MMP26: variants seen among roughly 807,000 people sequenced by gnomAD.
MMP26 encodes matrix metallopeptidase 26, also known as matrix metalloproteinase-26.
Under a neutral mutation model 31.0 loss-of-function variants are expected in MMP26, and 33 were observed. That is an observed-to-expected ratio of 1.06 (90% CI 0.81 to 1.42). The LOEUF (loss-of-function observed/expected upper bound fraction) is 1.42. MMP26 is among the 40% of genes most tolerant of loss of function. MMP26 has a pLI of 0.00. For synonymous variants in MMP26, 122 were observed against 114.9 expected (o/e 1.06, Z -0.40); for missense variants, 347 against 316.1 (o/e 1.10, Z -0.74).
intron 2 of MMP26, chr11:4,769,268 A>G: frequency 6.2e-7 from 1 of 1,613,784 alleles, no homozygotes; most frequent in Non-Finnish European, 8.5e-7. Context: ...ATATGACAGG[A>G]CAATGCATGG....
At chr11:4,894,957 T>C (rs1369824276) in intron 2 of MMP26, among the ~76,000 whole-genome samples, 1 of 152,100 alleles carries the variant, frequency 6.6e-6, no homozygotes, top group Non-Finnish European at 1.5e-5. Flanking sequence ...GAACAGGAAA[T>C]AGTAAAATAG....
chr11:4,735,338 A>G (rs1848225825), intron 1 of MMP26, among the ~76,000 whole-genome samples: 2 of 152,192 alleles, frequency 1.3e-5, no homozygotes, highest in Non-Finnish European at 1.5e-5. Flanking sequence ...GTATATATCT[A>G]TATGGTTGTA....
At chr11:4,952,096 G>A (rs1307464917) in intron 2 of MMP26, among the ~76,000 whole-genome samples, 4 of 124,242 alleles carry the variant, frequency 3.2e-5, no homozygotes, top group Admixed American at 9.0e-5. Flanking sequence ...GCTGTTGTTT[G>A]CCATGTTCTT....
chr11:4,873,041 T>G (rs1032468187), intron 2 of MMP26, among the ~76,000 whole-genome samples: 11 of 152,052 alleles, frequency 7.2e-5, no homozygotes, highest in Non-Finnish European at 1.5e-5. Flanking sequence ...TAAAAATGCT[T>G]CTTTTTGTCC....
chr11:4,818,573 C>T (rs1849452007), intron 2 of MMP26, among the ~76,000 whole-genome samples: 1 of 151,942 alleles, frequency 6.6e-6, no homozygotes, highest in East Asian at 1.9e-4. Context: ...TTGTTAATTG[C>T]TTCTTTCGAT....
chr11:4,890,149 G>A (rs1410151167), intron 2 of MMP26: 1 of 152,140 alleles, frequency 6.6e-6, no homozygotes. Context: ...CCCCATTTTG[G>A]CAACTCTGGC....
At position 4,842,506 on chromosome 11, in the gene MMP26, C is replaced by T. The variant is rs79235868; in HGVS notation, c.-145+75165C>T. Among the ~76,000 whole-genome samples the T allele has an allele frequency of 8.1e-3, 1,233 of 152,204 alleles. 16 individuals carry two copies. The highest frequency in any genetic ancestry group is 0.027 in the African/African-American group (1,141 of 41,496). On this transcript the variant is annotated intron_variant, in intron 2 of 7. Coordinates refer to ENST00000380390, the MANE Select transcript of MMP26 (RefSeq NM_021801.5). ...TCTTCACATGGTGACGGGAGAGAGA[C>T]AGAGTGAAGAGGGAAGTGCCACACA...
At chr11:4,848,131 G>T in intron 2 of MMP26, 1 of 1,192,400 alleles carries the variant, frequency 8.4e-7, no homozygotes, top group Non-Finnish European at 1.2e-6. Context: ...GCACATATAT[G>T]CACTTATGTG....
chr11:4,800,022 G>T (rs1231907885), intron 2 of MMP26, among the ~76,000 whole-genome samples: 1 of 152,170 alleles, frequency 6.6e-6, no homozygotes, highest in Non-Finnish European at 1.5e-5. Flanking sequence ...GAGTACCTGT[G>T]GCTTTTCCAG....
chr11:4,946,751 A>G (rs1465368002), intron 2 of MMP26: 6 of 1,588,656 alleles, frequency 3.8e-6, no homozygotes, highest in Non-Finnish European at 5.2e-6. Flanking sequence ...CATGATCAGG[A>G]GGACTGAGGA....
At chr11:4,800,799 C>A (rs1175894962) in intron 2 of MMP26, among the ~76,000 whole-genome samples, 3 of 151,350 alleles carry the variant, frequency 2.0e-5, no homozygotes, top group African/African-American at 7.4e-5. Context: ...TGCAGTGAGG[C>A]CATCTCTTGC....
chr11:4,991,072 A>G (rs1285175543), intron 5 of MMP26, among the ~76,000 whole-genome samples: 1 of 152,216 alleles, frequency 6.6e-6, no homozygotes, highest in Non-Finnish European at 1.5e-5. Flanking sequence ...CTGAGTTTAA[A>G]TTCTCTTTCC....
At chr11:4,792,033 AAATT>A (rs1221166619) in intron 2 of MMP26, among the ~76,000 whole-genome samples, 1 of 152,058 alleles carries the variant, frequency 6.6e-6, no homozygotes, top group East Asian at 1.9e-4. Flanking sequence ...AGCCATGCTC[AAATT>A]AATTAATATA....
chr11:4,918,717 C>T (rs78070179), intron 2 of MMP26, among the ~76,000 whole-genome samples: 1,600 of 152,224 alleles, frequency 0.011, 14 homozygotes, highest in Middle Eastern at 0.031. Context: ...CGTTTCTGCC[C>T]TCAAGTTGTT....
At chr11:4,858,188 C>G (rs1850085718) in intron 2 of MMP26, among the ~76,000 whole-genome samples, 1 of 152,134 alleles carries the variant, frequency 6.6e-6, no homozygotes, top group African/African-American at 2.4e-5. Flanking sequence ...CCCTCTCACA[C>G]CACTCCTATT....
At chr11:4,883,999 C>G (rs1850514777) in intron 2 of MMP26, among the ~76,000 whole-genome samples, 1 of 152,122 alleles carries the variant, frequency 6.6e-6, no homozygotes, top group Non-Finnish European at 1.5e-5. Flanking sequence ...GAACACCACT[C>G]CCAATCTGGT....
rs201515110 is a variant in MMP26, at chr11:4,749,537, G to T, written c.-216-17733G>T. 8.5e-5 allele frequency among the ~76,000 whole-genome samples: 13 copies of T among 152,172 alleles called. No homozygotes were observed. In the East Asian group the frequency reaches 2.5e-3, roughly 29 times the overall value. On this transcript the variant is annotated intron_variant, in intron 1 of 7. Coordinates refer to ENST00000380390, the MANE Select transcript of MMP26 (RefSeq NM_021801.5). ...ACTTGACTTCAAATTGTACTACAAG[G>T]CTATAGTAAGCAAAAGAGCATAGTA...
intron 2 of MMP26, among the ~76,000 whole-genome samples, chr11:4,843,597 G>C (rs1421752530): frequency 1.3e-5 from 2 of 152,256 alleles, no homozygotes; most frequent in Non-Finnish European, 2.9e-5. Flanking sequence ...CCTGGGCCTG[G>C]CTCACAAAAC....
At chr11:4,743,806 C>T (rs565761707) in intron 1 of MMP26, among the ~76,000 whole-genome samples, 2 of 152,068 alleles carry the variant, frequency 1.3e-5, no homozygotes, top group South Asian at 2.1e-4. Context: ...TTGGACTACT[C>T]GGGTTTGTTT....
Sources: allele counts gnomAD v4.1 joint callset (sites outside exome capture counted in the v4.1 genomes callset), GRCh38; gene constraint gnomAD v4.1.1; transcripts MANE v1.5; gene names NCBI Gene and HGNC (gene_info 2026-07-23, HGNC 2026-07-21).